NCKAP5: variants seen among roughly 807,000 people sequenced by gnomAD.
NCKAP5 encodes the protein nck-associated protein 5.
In NCKAP5, 92 loss-of-function variants were observed where a neutral mutation model predicts 167.0. The observed-to-expected ratio is 0.55, with a 90% CI of 0.47 to 0.66. The LOEUF is 0.66. Ranked by LOEUF, NCKAP5 falls within the 30% of genes least tolerant of loss-of-function variation. The probability of loss-of-function intolerance (pLI) is 0.00; values close to 1 mark genes in which losing one functional copy is unlikely to be tolerated. For missense variants in NCKAP5, 2,378 were observed against 2,315.0 expected, an observed-to-expected ratio of 1.03 and a Z score of -0.56; for synonymous variants, 891 against 877.4, an observed-to-expected ratio of 1.02 and a Z score of -0.27.
intron 3 of NCKAP5, among the ~76,000 whole-genome samples, chr2:133,423,640 T>C: frequency 6.6e-6 from 1 of 152,228 alleles, no homozygotes; most frequent in East Asian, 1.9e-4. Context: ...GACAAGGTGC[T>C]ATGTGACCTT....
intron 4 of NCKAP5, among the ~76,000 whole-genome samples, chr2:133,267,993 G>C (rs75313193): frequency 0.047 from 7,230 of 152,272 alleles, 265 homozygotes; most frequent in South Asian, 0.093. Context: ...TTCTTCTCAA[G>C]TGCTGGGAAA....
At chr2:133,540,948 A>G (rs1041957164) in intron 2 of NCKAP5, among the ~76,000 whole-genome samples, 4 of 150,614 alleles carry the variant, frequency 2.7e-5, no homozygotes, top group Non-Finnish European at 4.4e-5. Context: ...AAAAAAAAAA[A>G]AAAGAAAGAA....
chr2:133,220,743 T>C (rs1215060950), intron 4 of NCKAP5, among the ~76,000 whole-genome samples: 1 of 152,130 alleles, frequency 6.6e-6, no homozygotes, highest in African/African-American at 2.4e-5. Context: ...ATTCAGTTTG[T>C]GTTATGTGGA....
chr2:133,425,436 A>C (rs1256503238), intron 3 of NCKAP5, among the ~76,000 whole-genome samples: 1 of 152,214 alleles, frequency 6.6e-6, no homozygotes, highest in East Asian at 1.9e-4. Flanking sequence ...CTTATGGATT[A>C]TATCAGAAAA....
At chr2:133,514,521 C>CA (rs1269099288) in intron 3 of NCKAP5, among the ~76,000 whole-genome samples, 1 of 152,154 alleles carries the variant, frequency 6.6e-6, no homozygotes, top group Admixed American at 6.5e-5. Flanking sequence ...AATTTCTACT[C>CA]AACACTTCAA....
Position 132,673,729 on chromosome 2 carries a change from T to C in NCKAP5, c.5714-424A>G, listed in dbSNP as rs79270705. 3.4e-3 allele frequency among the ~76,000 whole-genome samples: 525 copies of C among 152,282 alleles called. 1 individual carries two copies. The highest frequency in any genetic ancestry group is 5.6e-3 in the Non-Finnish European group (381 of 68,002). On this transcript the variant is annotated intron_variant, in intron 19 of 19. Coordinates refer to ENST00000409261, the MANE Select transcript of NCKAP5 (RefSeq NM_207363.3). ...GTTTTTTTCTAATAAAAAAAAGACA[T>C]AAAAATCCCCTAACTTGCCATTTTT...
In NCKAP5 at chr2:133,564,597, C is replaced by T. The variant is rs925848543; in HGVS notation, c.-130+3619G>A. Among the ~76,000 whole-genome samples, 91 of 152,190 alleles carry T rather than the reference C, an allele frequency of 6.0e-4. 1 individual carries two copies. Among genetic ancestry groups the T allele is most frequent in the African/African-American group, 2.0e-3 (85 of 41,506 alleles). On this transcript the variant is annotated intron_variant, in intron 1 of 19. Coordinates refer to ENST00000409261, the MANE Select transcript of NCKAP5 (RefSeq NM_207363.3). Reference sequence around the variant, plus strand: ...TCCCAACAGAGTTTAGATAGAATACCATGGGGTGTGACTGTTTCTTCATCT... The same window carrying T: ...TCCCAACAGAGTTTAGATAGAATACTATGGGGTGTGACTGTTTCTTCATCT...
Position 132,782,278 on chromosome 2 carries a change from A to G in NCKAP5, c.4533T>C (p.Gly1511=). 1 of 1,613,966 alleles carries G rather than the reference A, an allele frequency of 6.2e-7. No homozygotes were observed. ...GAGCTGGAAGTCTACTCTTCCGAAA[A>G]CCAAACCAGCTGGCAAAAGAAGGCC... The part of the protein sequence containing the change: ...KPGPSFASWF[G]FRKSRLPALS... Residue 1511 remains glycine, a synonymous_variant, in exon 14 of 20, where the codon GGT becomes GGC. Transcript: ENST00000409261.
chr2:133,526,419 T>A lies in NCKAP5; in HGVS notation c.-61-8832A>T, dbSNP rs573020036. On this transcript the variant is annotated intron_variant, in intron 2 of 19. Coordinates refer to ENST00000409261, the MANE Select transcript of NCKAP5 (RefSeq NM_207363.3). ...ATATATTGATTAGTAAAATGCAAGATAAAATAAACATGTGAATGAACAAAT... is the reference window on the plus strand; with the variant it reads ...ATATATTGATTAGTAAAATGCAAGAAAAAATAAACATGTGAATGAACAAAT... Among the ~76,000 whole-genome samples, 6 of 152,182 alleles carry A rather than the reference T, an allele frequency of 3.9e-5. No homozygotes were observed. The South Asian group carries it at 1.2e-3, about 32-fold the overall frequency.
chr2:133,420,994 T>C (rs1689439594), intron 3 of NCKAP5, among the ~76,000 whole-genome samples: 1 of 152,214 alleles, frequency 6.6e-6, no homozygotes, highest in African/African-American at 2.4e-5. Context: ...ATGAGCAGGA[T>C]ACCAACTCTT....
chr2:133,079,349 TAGTA>T (rs1188463062), intron 6 of NCKAP5, among the ~76,000 whole-genome samples: 2 of 152,152 alleles, frequency 1.3e-5, no homozygotes, highest in African/African-American at 4.8e-5. Flanking sequence ...GGTTAACTCT[TAGTA>T]AGCCAAAATT....
chr2:132,729,090 G>T, intron 17 of NCKAP5, 138 bp from the exon 18 acceptor site: 1 of 1,158,658 alleles, frequency 8.6e-7, no homozygotes, highest in Non-Finnish European at 1.2e-6. Context: ...CTGCCACTCT[G>T]TCCCACTGTA....
At chr2:133,261,991 G>A (rs1051094606) in intron 4 of NCKAP5, among the ~76,000 whole-genome samples, 1 of 152,200 alleles carries the variant, frequency 6.6e-6, no homozygotes, top group Non-Finnish European at 1.5e-5. Flanking sequence ...CGAGGTTAAT[G>A]TGAAATAGCC....
At chr2:133,488,956 G>A (rs752620883) in intron 3 of NCKAP5, among the ~76,000 whole-genome samples, 1 of 152,018 alleles carries the variant, frequency 6.6e-6, no homozygotes, top group Non-Finnish European at 1.5e-5. Context: ...GGGCATAGTG[G>A]TGCATGCCTG....
chr2:133,609,256 GA>G, the NCKAP5 span, among the ~76,000 whole-genome samples: 1 of 151,856 alleles, frequency 6.6e-6, no homozygotes, highest in South Asian at 2.1e-4. Flanking sequence ...AGCTTTTTGA[GA>G]AAAAAAATAT....
the NCKAP5 span, among the ~76,000 whole-genome samples, chr2:133,607,978 G>A: frequency 3.4e-4 from 52 of 152,276 alleles, no homozygotes; most frequent in African/African-American, 1.1e-3. Context: ...ATTAACTCAC[G>A]TCCTGTTAGA....
the NCKAP5 span, among the ~76,000 whole-genome samples, chr2:133,635,307 C>T: frequency 6.6e-6 from 1 of 152,212 alleles, no homozygotes; most frequent in Non-Finnish European, 1.5e-5. Context: ...TACTCAGCAA[C>T]TTCCATGGCC....
chr2:133,477,552 C>A (rs964088759), intron 3 of NCKAP5, among the ~76,000 whole-genome samples: 2 of 152,140 alleles, frequency 1.3e-5, no homozygotes, highest in African/African-American at 4.8e-5. Context: ...CCTATATACA[C>A]TATGTTTTTT....
At position 133,220,330 on chromosome 2, in the gene NCKAP5, T is replaced by A. The variant is rs145041152; in HGVS notation, c.144-6551A>T. On this transcript the variant is annotated intron_variant, in intron 4 of 19. Coordinates refer to ENST00000409261, the MANE Select transcript of NCKAP5 (RefSeq NM_207363.3). Reference sequence around the variant, plus strand: ...TTACTGAACAGGTATAAAAAAAGAATATAAAGAAAATACAAACGATGAAAC... The same window carrying A: ...TTACTGAACAGGTATAAAAAAAGAAAATAAAGAAAATACAAACGATGAAAC... 3.9e-4 allele frequency among the ~76,000 whole-genome samples: 59 copies of A among 150,694 alleles called. 1 individual carries two copies. The highest frequency in any genetic ancestry group is 1.4e-3 in the African/African-American group (56 of 41,370).
Sources: allele counts gnomAD v4.1 joint callset (sites outside exome capture counted in the v4.1 genomes callset), GRCh38; gene constraint gnomAD v4.1.1; transcripts MANE v1.5; gene names NCBI Gene and HGNC (gene_info 2026-07-23, HGNC 2026-07-21).